The following PIGU variants were observed in gnomAD, a reference collection of about 807,000 sequenced individuals.
PIGU encodes the protein GPI-anchor transamidase component PIGU.
A neutral mutation model predicts 49.9 loss-of-function variants in PIGU; 24 were observed. That is an observed-to-expected ratio of 0.48 (90% confidence interval 0.35 to 0.68). The LOEUF (loss-of-function observed/expected upper bound fraction) is 0.68. Among genes scored for constraint, PIGU ranks in the 30% least tolerant of loss-of-function variants. The pLI is 0.01. For missense variants in PIGU, 490 were observed against 532.6 expected, an observed-to-expected ratio of 0.92 and a Z score of 0.79; for synonymous variants, 220 against 205.7, an observed-to-expected ratio of 1.07 and a Z score of -0.59.
At chr20:34,664,447 C>A (rs576670087) in intron 1 of PIGU, among the ~76,000 whole-genome samples, 1 of 152,324 alleles carries the variant, frequency 6.6e-6, no homozygotes, top group South Asian at 2.1e-4. Context: ...GCCTGTAATC[C>A]CAGCACTTTG....
chr20:34,594,163 T>A (rs1984102448), intron 7 of PIGU, among the ~76,000 whole-genome samples: 1 of 152,122 alleles, frequency 6.6e-6, no homozygotes, highest in East Asian at 1.9e-4. Context: ...GGCTGCAGAG[T>A]GAGACCCTGT....
chr20:34,644,250 A>G (rs774483569), intron 3 of PIGU, 24 bp from the exon 4 acceptor site: 3 of 1,569,576 alleles, frequency 1.9e-6, no homozygotes, highest in Non-Finnish European at 2.6e-6. Context: ...GAGAAATAAT[A>G]GGAAATGGAA....
At chr20:34,566,260 G>A (rs1391382981) in intron 11 of PIGU, among the ~76,000 whole-genome samples, 5 of 152,232 alleles carry the variant, frequency 3.3e-5, no homozygotes, top group Non-Finnish European at 7.3e-5. Context: ...ACTGCCCACT[G>A]GCCTCCCAAC....
At chr20:34,673,219 A>G (rs1987368974) in intron 1 of PIGU, among the ~76,000 whole-genome samples, 1 of 143,908 alleles carries the variant, frequency 6.9e-6, no homozygotes, top group South Asian at 2.1e-4. Context: ...GCACCACTGC[A>G]CTCCAGCCTG....
At chr20:34,571,545 G>A (rs778133665) in intron 11 of PIGU, among the ~76,000 whole-genome samples, 8 of 152,130 alleles carry the variant, frequency 5.3e-5, no homozygotes, top group Non-Finnish European at 7.3e-5. Context: ...GCCCAAGGAG[G>A]AGAAAATGAG....
chr20:34,621,388 T>C (rs1245084516), intron 6 of PIGU, among the ~76,000 whole-genome samples: 2 of 151,370 alleles, frequency 1.3e-5, no homozygotes, highest in African/African-American at 2.4e-5. Flanking sequence ...TGAAGAATAG[T>C]GGTTGAGGGT....
At chr20:34,676,841 A>G (rs895752683) in intron 1 of PIGU, 115 bp downstream of exon 1, 2 of 1,228,416 alleles carry the variant, frequency 1.6e-6, no homozygotes, top group Non-Finnish European at 2.2e-6. Flanking sequence ...CCCACGAGAC[A>G]GTCAGTTAGT....
intron 1 of PIGU, among the ~76,000 whole-genome samples, chr20:34,671,765 CAAA>C (rs1987312713): frequency 6.6e-6 from 1 of 151,740 alleles, no homozygotes; most frequent in South Asian, 2.1e-4. Flanking sequence ...ACTAAAAACA[CAAA>C]ATTAGCCAGG....
chr20:34,576,243 TTAAAAA>T (rs1983228613), intron 10 of PIGU, among the ~76,000 whole-genome samples: 1 of 151,956 alleles, frequency 6.6e-6, no homozygotes. Flanking sequence ...TAAAAAATGT[TTAAAAA>T]TAAAAATAAA....
chr20:34,666,079 G>C (rs758817717), intron 1 of PIGU, among the ~76,000 whole-genome samples: 1 of 152,100 alleles, frequency 6.6e-6, no homozygotes, highest in African/African-American at 2.4e-5. Flanking sequence ...TCAGCTCCTC[G>C]GGAAGCTGAG....
intron 6 of PIGU, among the ~76,000 whole-genome samples, chr20:34,633,856 T>A (rs1051603736): frequency 1.3e-5 from 2 of 152,276 alleles, no homozygotes; most frequent in East Asian, 3.9e-4. Flanking sequence ...AGTGAGCCAC[T>A]GCACCTGGCC....
intron 1 of PIGU, among the ~76,000 whole-genome samples, chr20:34,664,336 A>T (rs999032672): frequency 2.6e-5 from 4 of 152,148 alleles, no homozygotes; most frequent in African/African-American, 9.7e-5. Context: ...TTTTTTTTGT[A>T]GAAACGGGCT....
chr20:34,593,994 T>G (rs942896129), intron 7 of PIGU, among the ~76,000 whole-genome samples: 1 of 151,998 alleles, frequency 6.6e-6, no homozygotes. Flanking sequence ...CTGGGCAACA[T>G]AGAGAAACCC....
chr20:34,640,957 G>A lies in PIGU; in HGVS notation c.319-2972C>T, dbSNP rs750252150. On this transcript the variant is annotated intron_variant, in intron 4 of 11. Coordinates refer to ENST00000217446, the MANE Select transcript of PIGU (RefSeq NM_080476.5). ...TCACCAGGATGGAGTGCAGTGTTGC[G>A]ATCTCAGCTCAATGCAACCTCCGCC... 3.9e-5 allele frequency among the ~76,000 whole-genome samples: 6 copies of A among 152,080 alleles called. No homozygotes were observed. The East Asian group carries it at 7.7e-4, about 20-fold the overall frequency.
chr20:34,676,582 C>A (rs1186108185), intron 1 of PIGU, among the ~76,000 whole-genome samples: 1 of 152,216 alleles, frequency 6.6e-6, no homozygotes, highest in East Asian at 1.9e-4. Context: ...GCACCCCTGG[C>A]GATCCCGCCC....
At chr20:34,619,877 C>T (rs552702251) in intron 6 of PIGU, among the ~76,000 whole-genome samples, 40 of 152,280 alleles carry the variant, frequency 2.6e-4, no homozygotes, top group Admixed American at 2.6e-3. Flanking sequence ...CAGTAACTGG[C>T]ATCAACATCT....
chr20:34,613,395 A>C (rs1984892906), intron 7 of PIGU, among the ~76,000 whole-genome samples: 1 of 152,208 alleles, frequency 6.6e-6, no homozygotes, highest in Non-Finnish European at 1.5e-5. Flanking sequence ...TGACTTAATG[A>C]GTCAGTTGTA....
intron 7 of PIGU, among the ~76,000 whole-genome samples, chr20:34,610,683 T>C (rs984853705): frequency 3.3e-5 from 5 of 152,190 alleles, no homozygotes; most frequent in African/African-American, 1.2e-4. Context: ...ATTGACTTTC[T>C]TCACAGAACT....
intron 11 of PIGU, among the ~76,000 whole-genome samples, chr20:34,567,542 G>A (rs566363710): frequency 3.3e-5 from 5 of 152,100 alleles, no homozygotes; most frequent in East Asian, 3.9e-4. Context: ...CCCTAGCCTC[G>A]TCCCTGGTGC....
Sources: allele counts gnomAD v4.1 joint callset (sites outside exome capture counted in the v4.1 genomes callset), GRCh38; gene constraint gnomAD v4.1.1; transcripts MANE v1.5; gene names NCBI Gene and HGNC (gene_info 2026-07-23, HGNC 2026-07-21).